The following KCNIP1 variants were observed in gnomAD, a reference collection of about 807,000 sequenced individuals.
KCNIP1 encodes potassium voltage-gated channel interacting protein 1.
Under a neutral mutation model 33.0 loss-of-function variants are expected in KCNIP1, and 18 were observed. The ratio of observed to expected loss-of-function variants is 0.55; its 90% CI spans 0.38 to 0.81. The LOEUF (loss-of-function observed/expected upper bound fraction) is 0.81. Among genes scored for constraint, KCNIP1 ranks in the 30% least tolerant of loss-of-function variants. The pLI, the probability that KCNIP1 is intolerant of heterozygous loss-of-function variation, is 0.00. For synonymous variants in KCNIP1, 93 were observed against 98.3 expected, an observed-to-expected ratio of 0.95 and a Z score of 0.32; for missense variants, 238 against 271.6, an observed-to-expected ratio of 0.88 and a Z score of 0.87.
chr5:170,615,533 C>T (rs539321936), intron 1 of KCNIP1, among the ~76,000 whole-genome samples: 8 of 152,254 alleles, frequency 5.3e-5, no homozygotes, highest in South Asian at 4.1e-4. Flanking sequence ...GGCTCATCAC[C>T]GTCACAATCC....
At chr5:170,645,067 T>C (rs1396920002) in intron 1 of KCNIP1, among the ~76,000 whole-genome samples, 1 of 152,146 alleles carries the variant, frequency 6.6e-6, no homozygotes, top group South Asian at 2.1e-4. Context: ...AAATGAAGGA[T>C]AGGTGTAGAT....
chr5:170,493,474 T>C (rs978098146), intron 1 of KCNIP1, among the ~76,000 whole-genome samples: 3 of 152,196 alleles, frequency 2.0e-5, no homozygotes, highest in Non-Finnish European at 4.4e-5. Context: ...CAGTCGCTCA[T>C]TTCAATCATG....
chr5:170,399,012 A>G (rs1754829351), intron 1 of KCNIP1, among the ~76,000 whole-genome samples: 1 of 152,194 alleles, frequency 6.6e-6, no homozygotes, highest in Non-Finnish European at 1.5e-5. Flanking sequence ...ACTTTGTTAC[A>G]GAGTAGGGCA....
chr5:170,631,535 A>C (rs4868004), intron 1 of KCNIP1, among the ~76,000 whole-genome samples: 1 of 152,164 alleles, frequency 6.6e-6, no homozygotes, highest in East Asian at 1.9e-4. Flanking sequence ...GGCTTTCCCG[A>C]ATGGAATTTT....
At position 170,553,649 on chromosome 5, in the gene KCNIP1, C is replaced by T. The variant is rs997088194; in HGVS notation, c.61+49016C>T. On this transcript the variant is annotated intron_variant, in intron 1 of 7. Transcript: ENST00000328939. ...ACAATTGTCATCCTGGGGTCTGCGA[C>T]GGTAAGACTCACCTCAGAGGAAGGG... 4.6e-5 allele frequency among the ~76,000 whole-genome samples: 7 copies of T among 152,192 alleles called. No homozygotes were observed. In the South Asian group the frequency reaches 6.2e-4, roughly 14 times the overall value.
intron 1 of KCNIP1, among the ~76,000 whole-genome samples, chr5:170,531,528 C>G (rs937007932): frequency 6.6e-6 from 1 of 152,218 alleles, no homozygotes; most frequent in African/African-American, 2.4e-5. Flanking sequence ...AAGCCCACCA[C>G]TAACAATTAT....
intron 1 of KCNIP1, among the ~76,000 whole-genome samples, chr5:170,624,663 T>C (rs1581412215): frequency 1.4e-5 from 2 of 147,600 alleles, no homozygotes; most frequent in Non-Finnish European, 3.0e-5. Flanking sequence ...CCTGTCTTGG[T>C]GCCTCAGTTC....
intron 1 of KCNIP1, among the ~76,000 whole-genome samples, chr5:170,589,129 G>A (rs764422644): frequency 6.6e-6 from 1 of 151,266 alleles, no homozygotes; most frequent in African/African-American, 2.4e-5. Context: ...CTCCCAAGTA[G>A]CTGGGACTAC....
At chr5:170,486,936 T>C (rs1757105569) in intron 1 of KCNIP1, among the ~76,000 whole-genome samples, 1 of 152,224 alleles carries the variant, frequency 6.6e-6, no homozygotes, top group Non-Finnish European at 1.5e-5. Flanking sequence ...AGTTGAAGTA[T>C]AATTCATGTA....
At chr5:170,462,213 A>T (rs1383377551) in intron 1 of KCNIP1, among the ~76,000 whole-genome samples, 1 of 147,668 alleles carries the variant, frequency 6.8e-6, no homozygotes, top group Non-Finnish European at 1.5e-5. Flanking sequence ...CAATCTATAC[A>T]TCTGACCAAG....
intron 1 of KCNIP1, among the ~76,000 whole-genome samples, chr5:170,561,277 C>T (rs1285506950): frequency 2.0e-5 from 3 of 152,240 alleles, no homozygotes; most frequent in Non-Finnish European, 4.4e-5. Flanking sequence ...CCGCCCTCCT[C>T]CCTGCCTTGC....
rs911601605 is a variant in KCNIP1, at chr5:170,601,833, G to A, written c.61+97200G>A. ...GGGACTGGCGGTGGCTGCTGCCTGC[G>A]GACGTCGAGCAGGGGCCTTTGAAGA... On this transcript the variant is annotated intron_variant, in intron 1 of 7. Coordinates refer to ENST00000328939, the MANE Select transcript of KCNIP1 (RefSeq NM_014592.4). 5.9e-5 allele frequency among the ~76,000 whole-genome samples: 9 copies of A among 152,298 alleles called. No individual in the cohort carries two copies. In the South Asian group the frequency reaches 6.2e-4, roughly 11 times the overall value.
intron 1 of KCNIP1, among the ~76,000 whole-genome samples, chr5:170,390,517 A>AAAAAAAAAAAAAAT: frequency 2.7e-5 from 2 of 74,546 alleles, no homozygotes; most frequent in African/African-American, 1.3e-4. Context: ...AAAAAAAACA[A>AAAAAAAAAAAAAAT]ATATATATAT....
intron 1 of KCNIP1, among the ~76,000 whole-genome samples, chr5:170,696,641 A>G (rs190647709): frequency 7.9e-5 from 12 of 152,306 alleles, no homozygotes; most frequent in South Asian, 4.1e-4. Context: ...TATGTGAGGC[A>G]TGGGATAGAC....
chr5:170,566,121 C>T (rs1338123405), intron 1 of KCNIP1, among the ~76,000 whole-genome samples: 1 of 151,622 alleles, frequency 6.6e-6, no homozygotes, highest in Non-Finnish European at 1.5e-5. Flanking sequence ...CTCTGCCTCC[C>T]GGGTTCAAGC....
At chr5:170,705,857 C>T (rs1273362715) in intron 1 of KCNIP1, among the ~76,000 whole-genome samples, 1 of 152,156 alleles carries the variant, frequency 6.6e-6, no homozygotes, top group Non-Finnish European at 1.5e-5. Flanking sequence ...GAGAATGACC[C>T]TTAAAATCAC....
intron 1 of KCNIP1, among the ~76,000 whole-genome samples, chr5:170,686,451 G>A (rs1490961517): frequency 1.3e-5 from 2 of 152,242 alleles, no homozygotes; most frequent in Non-Finnish European, 2.9e-5. Flanking sequence ...GGGTATCCAA[G>A]TAAGTTATTT....
At chr5:170,663,333 G>A (rs1301036624) in intron 1 of KCNIP1, among the ~76,000 whole-genome samples, 1 of 152,110 alleles carries the variant, frequency 6.6e-6, no homozygotes, top group Admixed American at 6.5e-5. Flanking sequence ...GAGTCCCATA[G>A]ACAGAGGCTA....
intron 1 of KCNIP1, among the ~76,000 whole-genome samples, chr5:170,505,681 C>T (rs1024316763): frequency 1.3e-5 from 2 of 152,044 alleles, no homozygotes; most frequent in African/African-American, 4.8e-5. Context: ...CTTGGTTGGT[C>T]TCACCCTGTT....
Sources: gnomAD v4.1 joint callset for allele counts (sites outside exome capture counted in the v4.1 genomes callset) on GRCh38, gnomAD v4.1.1 for gene constraint, MANE v1.5 for transcripts, NCBI Gene and HGNC (gene_info 2026-07-23, HGNC 2026-07-21) for gene names.